ALK: variants seen among roughly 807,000 people sequenced by gnomAD.
ALK encodes ALK receptor tyrosine kinase.
ALK carries 74 observed loss-of-function variants against 163.1 expected under a neutral mutation model. The ratio of observed to expected loss-of-function variants is 0.45; its 90% CI spans 0.38 to 0.55. The LOEUF (loss-of-function observed/expected upper bound fraction) is 0.55, where lower values mean the gene tolerates loss of function less well. ALK is among the 20% of genes least tolerant of loss of function. The probability of loss-of-function intolerance (pLI) is 0.00; values close to 1 mark genes in which losing one functional copy is unlikely to be tolerated. For missense variants in ALK, 2,063 were observed against 2,105.3 expected (o/e 0.98, Z 0.39); for synonymous variants, 960 against 843.2 (o/e 1.14, Z -2.40).
chr2:29,728,164 C>T (rs1679628270), intron 1 of ALK, among the ~76,000 whole-genome samples: 1 of 152,158 alleles, frequency 6.6e-6, no homozygotes, highest in Admixed American at 6.5e-5. Flanking sequence ...TTCATGTGTG[C>T]CTATTACACA....
At chr2:29,644,041 A>G (rs1345050390) in intron 3 of ALK, among the ~76,000 whole-genome samples, 1 of 152,136 alleles carries the variant, frequency 6.6e-6, no homozygotes, top group African/African-American at 2.4e-5. Flanking sequence ...AATGTGGCAC[A>G]TATACACCAT....
At chr2:29,299,110 C>T (rs534516951) in intron 8 of ALK, among the ~76,000 whole-genome samples, 73 of 152,304 alleles carry the variant, frequency 4.8e-4, no homozygotes, top group Admixed American at 1.5e-3. Context: ...TTCTTTCAAC[C>T]TGGTTTCTAG....
In ALK at chr2:29,203,485, C is replaced by CTTTT. The variant is rs1156462365; in HGVS notation, c.3938+3682_3938+3685dup. ...TATCACCATTGGCCTGAGGATGTGC[C>CTTTT]TTTTTTTTTTTTTTTTTTTTTTTTT... is the stretch of plus-strand genomic sequence containing the variant. On this transcript the variant is annotated intron_variant, in intron 26 of 28. Transcript: ENST00000389048. 7.8e-3 allele frequency among the ~76,000 whole-genome samples: 255 copies of CTTTT among 32,496 alleles called. 94 individuals carry two copies. Among genetic ancestry groups the CTTTT allele is most frequent in the African/African-American group, 0.02 (165 of 8,146 alleles). 21.3% of individuals were successfully genotyped at this position (32,496 alleles called of 152,430 possible).
intron 3 of ALK, among the ~76,000 whole-genome samples, chr2:29,542,636 C>T (rs1024784317): frequency 2.0e-5 from 3 of 152,280 alleles, no homozygotes; most frequent in Non-Finnish European, 2.9e-5. Flanking sequence ...AAGTCTAACG[C>T]TGGTTTTATT....
chr2:29,511,277 C>G (rs1490834446), intron 4 of ALK, among the ~76,000 whole-genome samples: 1 of 152,076 alleles, frequency 6.6e-6, no homozygotes, highest in South Asian at 2.1e-4. Flanking sequence ...GTTATCTTGT[C>G]CCTTTGCAGT....
intron 1 of ALK, among the ~76,000 whole-genome samples, chr2:29,872,361 GA>G (rs1312808096): frequency 6.6e-6 from 1 of 152,180 alleles, no homozygotes; most frequent in African/African-American, 2.4e-5. Flanking sequence ...AGTTAAACTA[GA>G]TACAGACGTT....
intron 5 of ALK, among the ~76,000 whole-genome samples, chr2:29,338,859 G>A (rs996747431): frequency 1.3e-5 from 2 of 152,212 alleles, no homozygotes; most frequent in African/African-American, 4.8e-5. Context: ...CCTTTGGGTT[G>A]CACTGCAGAA....
At chr2:29,290,317 G>C (rs1221624013) in intron 9 of ALK, among the ~76,000 whole-genome samples, 15 of 152,196 alleles carry the variant, frequency 9.9e-5, no homozygotes, top group Non-Finnish European at 1.5e-5. Flanking sequence ...CCCTGGAAGG[G>C]GGCACAGGGC....
intron 1 of ALK, among the ~76,000 whole-genome samples, chr2:29,917,116 C>T (rs919742952): frequency 2.0e-5 from 3 of 152,204 alleles, no homozygotes; most frequent in African/African-American, 7.2e-5. Flanking sequence ...CTAACTGGTG[C>T]TTTTTCATTT....
chr2:29,422,562 ACTCT>A, intron 4 of ALK, among the ~76,000 whole-genome samples: 1 of 152,034 alleles, frequency 6.6e-6, no homozygotes, highest in Admixed American at 6.5e-5. Flanking sequence ...TGCTAGTCTG[ACTCT>A]CTATTTTCTG....
chr2:29,670,598 C>A (rs945095828), intron 3 of ALK, among the ~76,000 whole-genome samples: 4 of 151,946 alleles, frequency 2.6e-5, no homozygotes, highest in Admixed American at 1.3e-4. Flanking sequence ...AACTTTATGC[C>A]CCTTGCTCTT....
At chr2:29,819,213 T>C (rs1244739841) in intron 1 of ALK, among the ~76,000 whole-genome samples, 4 of 152,242 alleles carry the variant, frequency 2.6e-5, no homozygotes, top group African/African-American at 9.6e-5. Flanking sequence ...AGATTCATGT[T>C]CACATTACAA....
chr2:29,369,997 CA>C (rs1370265133), intron 5 of ALK, among the ~76,000 whole-genome samples: 2 of 152,138 alleles, frequency 1.3e-5, no homozygotes, highest in Admixed American at 6.5e-5. Context: ...GACACACGTG[CA>C]CAGTGGATCT....
intron 4 of ALK, among the ~76,000 whole-genome samples, chr2:29,470,802 C>T (rs1329189581): frequency 1.3e-5 from 2 of 151,608 alleles, no homozygotes; most frequent in East Asian, 1.9e-4. Context: ...GAATAAAGAG[C>T]AATGGCAAGG....
intron 1 of ALK, among the ~76,000 whole-genome samples, chr2:29,906,447 G>C (rs530623032): frequency 6.6e-6 from 1 of 152,250 alleles, no homozygotes; most frequent in East Asian, 1.9e-4. Flanking sequence ...GAGAGAAAGA[G>C]GAGGAGAATG....
chr2:29,416,742 A>G (rs907869719), intron 4 of ALK, among the ~76,000 whole-genome samples: 1 of 152,158 alleles, frequency 6.6e-6, no homozygotes, highest in African/African-American at 2.4e-5. Flanking sequence ...TACAGTAGTC[A>G]GAGGGATATG....
intron 11 of ALK, among the ~76,000 whole-genome samples, chr2:29,260,939 T>C (rs897398125): frequency 1.3e-5 from 2 of 152,192 alleles, no homozygotes; most frequent in Non-Finnish European, 2.9e-5. Flanking sequence ...CATTCTCTTA[T>C]TTATTCTCTA....
chr2:29,637,407 T>G (rs1278563335), intron 3 of ALK, among the ~76,000 whole-genome samples: 1 of 151,944 alleles, frequency 6.6e-6, no homozygotes, highest in Admixed American at 6.6e-5. Flanking sequence ...GGAGAAGAGA[T>G]TAGTAGTTTC....
At chr2:29,686,193 G>C (rs919821177) in intron 3 of ALK, among the ~76,000 whole-genome samples, 4 of 152,186 alleles carry the variant, frequency 2.6e-5, no homozygotes, top group African/African-American at 7.2e-5. Flanking sequence ...TCTCTATGCT[G>C]TGATCCCTCC....
Sources: allele counts gnomAD v4.1 joint callset (sites outside exome capture counted in the v4.1 genomes callset), GRCh38; gene constraint gnomAD v4.1.1; transcripts MANE v1.5; gene names NCBI Gene and HGNC (gene_info 2026-07-23, HGNC 2026-07-21).